The following TANGO6 variants were observed in gnomAD, a reference collection of about 807,000 sequenced individuals.
The protein encoded by TANGO6 is transport and golgi organization 6 homolog.
Under a neutral mutation model 114.2 loss-of-function variants are expected in TANGO6, and 90 were observed. The ratio of observed to expected loss-of-function variants is 0.79; its 90% CI spans 0.66 to 0.94. The LOEUF (loss-of-function observed/expected upper bound fraction) is 0.94, where lower values mean the gene tolerates loss of function less well. Among genes scored for constraint, TANGO6 ranks in the 40% least tolerant of loss-of-function variants. TANGO6 has a pLI of 0.00. For missense variants in TANGO6, 1,274 were observed against 1,315.3 expected, an observed-to-expected ratio of 0.97 and a Z score of 0.49; for synonymous variants, 477 against 509.8, an observed-to-expected ratio of 0.94 and a Z score of 0.87.
intron 14 of TANGO6, among the ~76,000 whole-genome samples, chr16:68,932,644 G>A (rs1417576142): frequency 6.6e-6 from 1 of 152,018 alleles, no homozygotes; most frequent in East Asian, 1.9e-4. Flanking sequence ...AAAAAAGTTA[G>A]CCAGGTGTGG....
intron 1 of TANGO6, 139 bp from the exon 2 acceptor site, chr16:68,859,745 C>A: frequency 8.5e-6 from 8 of 941,968 alleles, no homozygotes; most frequent in Admixed American, 3.0e-5. Context: ...GGGTTGGTAC[C>A]CCTGGGGGAG....
rs565520910 is a variant in TANGO6, at chr16:68,898,104, C to T, written c.1378-2330C>T. Among the ~76,000 whole-genome samples, 10 of 152,202 alleles carry T rather than the reference C, an allele frequency of 6.6e-5. No individual in the cohort carries two copies. The South Asian group carries it at 1.9e-3, about 28-fold the overall frequency. On this transcript the variant is annotated intron_variant, in intron 7 of 17. Transcript: ENST00000261778. ...TCCACAGGGATTACCTCCGAGAACA[C>T]AGGATCCAAAGCCGAACAATAGGTC...
At chr16:69,052,534 A>G (rs960691008) in intron 17 of TANGO6, among the ~76,000 whole-genome samples, 3 of 152,018 alleles carry the variant, frequency 2.0e-5, no homozygotes, top group African/African-American at 7.2e-5. Context: ...CCAAAGTCAT[A>G]GGATTACAGG....
intron 11 of TANGO6, 113 bp downstream of exon 11, chr16:68,909,515 G>A (rs1051283062): frequency 2.9e-6 from 3 of 1,032,554 alleles, no homozygotes; most frequent in Non-Finnish European, 3.8e-6. Context: ...GGTGTTTCCT[G>A]GAATGCTGGT....
chr16:69,071,025 C>G (rs1960291986), intron 17 of TANGO6, among the ~76,000 whole-genome samples: 1 of 152,052 alleles, frequency 6.6e-6, no homozygotes, highest in Admixed American at 6.6e-5. Flanking sequence ...CCACCCACCT[C>G]TGGCCTCCCA....
At chr16:69,025,900 G>A (rs1959493715) in intron 16 of TANGO6, 1 of 235,854 alleles carries the variant, frequency 4.2e-6, no homozygotes, top group South Asian at 7.6e-5. Context: ...ACCCCTTTCA[G>A]TGTCATCCAA....
chr16:68,849,835 T>C (rs1961873505), intron 1 of TANGO6, among the ~76,000 whole-genome samples: 1 of 152,174 alleles, frequency 6.6e-6, no homozygotes, highest in African/African-American at 2.4e-5. Context: ...TTTTCTAACA[T>C]TTCATTATGA....
chr16:68,896,759 A>C (rs1327033624), intron 7 of TANGO6, among the ~76,000 whole-genome samples: 1 of 152,186 alleles, frequency 6.6e-6, no homozygotes, highest in African/African-American at 2.4e-5. Flanking sequence ...TCTTTAAGAT[A>C]CTGTAGAAAG....
intron 3 of TANGO6, among the ~76,000 whole-genome samples, chr16:68,866,149 T>A (rs1379707207): frequency 3.3e-5 from 5 of 152,178 alleles, no homozygotes. Context: ...TAATTGCTGA[T>A]GCGTTTGTCT....
intron 4 of TANGO6, among the ~76,000 whole-genome samples, chr16:68,874,797 G>A (rs1190071012): frequency 6.6e-6 from 1 of 151,834 alleles, no homozygotes; most frequent in East Asian, 1.9e-4. Context: ...AAAATAGAAA[G>A]GAATTACCTG....
chr16:69,018,253 C>T (rs1014519936), intron 15 of TANGO6, among the ~76,000 whole-genome samples: 27 of 148,324 alleles, frequency 1.8e-4, no homozygotes, highest in Non-Finnish European at 3.6e-4. Context: ...ACGCCATTCT[C>T]CTGCCTCAGC....
At chr16:68,903,167 A>T (rs530061945) in intron 9 of TANGO6, among the ~76,000 whole-genome samples, 3 of 152,298 alleles carry the variant, frequency 2.0e-5, no homozygotes, top group Admixed American at 6.5e-5. Flanking sequence ...TGTTTGTTGA[A>T]GTGTTGAAAT....
chr16:68,978,332 A>G (rs1297206155), intron 15 of TANGO6, among the ~76,000 whole-genome samples: 1 of 152,196 alleles, frequency 6.6e-6, no homozygotes, highest in Non-Finnish European at 1.5e-5. Context: ...AGTTGAGGTG[A>G]GGCCTTACTC....
At chr16:68,924,374 C>G (rs1464236890) in intron 12 of TANGO6, among the ~76,000 whole-genome samples, 1 of 152,030 alleles carries the variant, frequency 6.6e-6, no homozygotes, top group East Asian at 1.9e-4. Flanking sequence ...ACCAGATCAG[C>G]TACTCGGGAG....
At chr16:69,019,346 A>G (rs571778068) in intron 15 of TANGO6, among the ~76,000 whole-genome samples, 4 of 152,328 alleles carry the variant, frequency 2.6e-5, no homozygotes, top group East Asian at 1.9e-4. Context: ...TAGGTCATCA[A>G]TGATTTAGTT....
At chr16:68,848,408 T>C (rs1013147137) in intron 1 of TANGO6, among the ~76,000 whole-genome samples, 4 of 152,090 alleles carry the variant, frequency 2.6e-5, no homozygotes, top group Non-Finnish European at 4.4e-5. Context: ...AGGGTACCAC[T>C]ATTAGCAATT....
At chr16:69,024,270 C>CTTT (rs535262771) in intron 16 of TANGO6, among the ~76,000 whole-genome samples, 3 of 135,276 alleles carry the variant, frequency 2.2e-5, no homozygotes, top group Non-Finnish European at 3.2e-5. Context: ...CTCTAGCCCC[C>CTTT]TTTTTTTTTT....
chr16:69,007,464 TTCACTGTGTTAGCCAGTATGA>T (rs1964103369), intron 15 of TANGO6, among the ~76,000 whole-genome samples: 1 of 151,946 alleles, frequency 6.6e-6, no homozygotes, highest in African/African-American at 2.4e-5. Context: ...AGAGACGGGT[TTCACTGTGTTAGCCAGTATGA>T]TCTCGATCTG....
At chr16:68,869,011 A>G (rs1962224428) in intron 4 of TANGO6, among the ~76,000 whole-genome samples, 1 of 152,070 alleles carries the variant, frequency 6.6e-6, no homozygotes, top group African/African-American at 2.4e-5. Flanking sequence ...TAACTCTGTG[A>G]TTATTATTTA....
Sources: allele counts gnomAD v4.1 joint callset (sites outside exome capture counted in the v4.1 genomes callset), GRCh38; gene constraint gnomAD v4.1.1; transcripts MANE v1.5; gene names NCBI Gene and HGNC (gene_info 2026-07-23, HGNC 2026-07-21).